LMO7: variants seen among roughly 807,000 people sequenced by gnomAD.
LMO7 encodes LIM domain only protein 7.
A neutral mutation model predicts 206.5 loss-of-function variants in LMO7; 120 were observed. The observed-to-expected ratio is 0.58, with a 90% CI of 0.50 to 0.68. The LOEUF (loss-of-function observed/expected upper bound fraction) is 0.68, where lower values mean the gene tolerates loss of function less well. LMO7 is among the 30% of genes least tolerant of loss of function. The pLI is 0.00. For synonymous variants in LMO7, 706 were observed against 681.5 expected (o/e 1.04, Z -0.56); for missense variants, 1,959 against 1,957.9 (o/e 1.00, Z -0.01).
At chr13:75,785,561 G>A (rs906060561) in intron 4 of LMO7, among the ~76,000 whole-genome samples, 1 of 152,122 alleles carries the variant, frequency 6.6e-6, no homozygotes, top group African/African-American at 2.4e-5. Context: ...GTGTCCTTAA[G>A]ATTTTTAAAC....
At chr13:75,681,718 G>GTATATGTATATATA (rs1555293392) in intron 1 of LMO7, among the ~76,000 whole-genome samples, 2 of 104,580 alleles carry the variant, frequency 1.9e-5, no homozygotes, top group Admixed American at 1.3e-4. Flanking sequence ...ATATATATAT[G>GTATATGTATATATA]TATATATATA....
chr13:75,767,338 A>G (rs1488225980), intron 4 of LMO7, among the ~76,000 whole-genome samples: 2 of 152,066 alleles, frequency 1.3e-5, no homozygotes, highest in African/African-American at 4.8e-5. Flanking sequence ...CGGTAGAAAA[A>G]CATGGTGGTT....
intron 10 of LMO7, among the ~76,000 whole-genome samples, chr13:75,808,677 CTTATTT>C (rs1209609642): frequency 1.3e-5 from 2 of 152,106 alleles, no homozygotes; most frequent in African/African-American, 2.4e-5. Flanking sequence ...TCATTTGTAA[CTTATTT>C]TTATTTATGA....
chr13:75,670,235 T>C (rs527928166), intron 1 of LMO7, among the ~76,000 whole-genome samples: 1 of 152,300 alleles, frequency 6.6e-6, no homozygotes, highest in African/African-American at 2.4e-5. Context: ...AGTTCAGATT[T>C]TATAGTTCCT....
intron 4 of LMO7, among the ~76,000 whole-genome samples, chr13:75,776,205 A>ATATATATATATATATATATATAT (rs2050469911): frequency 4.4e-5 from 5 of 114,166 alleles, no homozygotes; most frequent in East Asian, 2.9e-4. Context: ...ATATATATAT[A>ATATATATATATATATATATATAT]ACGTTAAGTC....
intron 3 of LMO7, among the ~76,000 whole-genome samples, chr13:75,732,602 T>C (rs1400522191): frequency 6.6e-6 from 1 of 152,236 alleles, no homozygotes; most frequent in African/African-American, 2.4e-5. Flanking sequence ...AGTTTGATTG[T>C]CTGAAGCCTT....
At chr13:75,696,379 A>C (rs920311697) in intron 1 of LMO7, among the ~76,000 whole-genome samples, 1 of 151,928 alleles carries the variant, frequency 6.6e-6, no homozygotes, top group Non-Finnish European at 1.5e-5. Flanking sequence ...ACAAACAAAC[A>C]AACAAAAACC....
At chr13:75,664,419 T>G (rs2038916062) in intron 1 of LMO7, among the ~76,000 whole-genome samples, 2 of 152,184 alleles carry the variant, frequency 1.3e-5, no homozygotes, top group African/African-American at 4.8e-5. Context: ...TTTTTATCTG[T>G]TCATCTGCTG....
At chr13:75,773,931 T>G (rs761313601) in intron 4 of LMO7, among the ~76,000 whole-genome samples, 25 of 152,228 alleles carry the variant, frequency 1.6e-4, no homozygotes, top group Non-Finnish European at 2.5e-4. Context: ...TGTTGCTTTT[T>G]TTTTGTTTTG....
At chr13:75,683,535 C>T (rs1274104976) in intron 1 of LMO7, among the ~76,000 whole-genome samples, 3 of 152,090 alleles carry the variant, frequency 2.0e-5, no homozygotes, top group Non-Finnish European at 4.4e-5. Flanking sequence ...TCAGCTATGC[C>T]GTTGTTCTCC....
chr13:75,804,541 G>A lies in LMO7; in HGVS notation c.914G>A (p.Ser305Asn). 1 of 1,612,538 alleles carries A rather than the reference G, an allele frequency of 6.2e-7. No individual in the cohort carries two copies. Among genetic ancestry groups the A allele is most frequent in the Non-Finnish European group, 8.5e-7 (1 of 1,179,228 alleles). Residue 305 changes from serine to asparagine, a missense_variant and splice_region_variant, in exon 8 of 31, where the codon AGT (serine) becomes AAT (asparagine). Physicochemically the swap from Ser to Asn is conservative, Grantham distance 46. Transcript: ENST00000377534. ...VYTEADGTFS[S>N]NQRRIWGTNV... ...ACAGAAGCAGATGGAACATTTTCAA[G>A]GTACTGAGATGGGTGTGATTATTGA...
At chr13:75,854,971 T>A (rs2060802301) in intron 28 of LMO7, 1 of 291,414 alleles carries the variant, frequency 3.4e-6, no homozygotes. Context: ...TGAGTACAGA[T>A]GTGATCAAAG....
At chr13:75,705,220 G>T (rs549873555) in intron 1 of LMO7, among the ~76,000 whole-genome samples, 2 of 152,260 alleles carry the variant, frequency 1.3e-5, no homozygotes, top group South Asian at 2.1e-4. Context: ...GCCTACACTG[G>T]GATATGTAGG....
chr13:75,708,974 T>A (rs1413600887), intron 1 of LMO7, among the ~76,000 whole-genome samples: 1 of 145,784 alleles, frequency 6.9e-6, no homozygotes, highest in Non-Finnish European at 1.5e-5. Context: ...CAGGCCCCGG[T>A]GTGTGATGTT....
intron 4 of LMO7, among the ~76,000 whole-genome samples, chr13:75,792,110 A>C (rs1315938830): frequency 6.6e-6 from 1 of 152,026 alleles, no homozygotes; most frequent in Non-Finnish European, 1.5e-5. Context: ...CTGGAACTAT[A>C]AGCATGTGCT....
At chr13:75,684,463 C>T (rs1388715860) in intron 1 of LMO7, among the ~76,000 whole-genome samples, 2 of 151,640 alleles carry the variant, frequency 1.3e-5, no homozygotes, top group African/African-American at 2.4e-5. Context: ...CAGGCTTGTC[C>T]TGAACTCCTG....
upstream of LMO7, among the ~76,000 whole-genome samples, chr13:75,632,307 G>C (rs2035049164): frequency 6.6e-6 from 1 of 152,204 alleles, no homozygotes; most frequent in Non-Finnish European, 1.5e-5. Context: ...AGGCCAAGCA[G>C]TGATTGGTGC....
chr13:75,704,042 T>C (rs996018739), intron 1 of LMO7, among the ~76,000 whole-genome samples: 1 of 152,168 alleles, frequency 6.6e-6, no homozygotes, highest in East Asian at 1.9e-4. Flanking sequence ...TGTGGAGTCA[T>C]GGAGATCATA....
At chr13:75,802,703 A>G (rs1380991443) in intron 7 of LMO7, among the ~76,000 whole-genome samples, 1 of 152,186 alleles carries the variant, frequency 6.6e-6, no homozygotes, top group East Asian at 1.9e-4. Context: ...AGAGTGCGTA[A>G]GTGAAGTCTT....
Sources: allele counts gnomAD v4.1 joint callset (sites outside exome capture counted in the v4.1 genomes callset), GRCh38; gene constraint gnomAD v4.1.1; transcripts MANE v1.5; gene names NCBI Gene and HGNC (gene_info 2026-07-23, HGNC 2026-07-21).